The following OGG1 variants were observed in gnomAD, a reference collection of about 807,000 sequenced individuals.
OGG1 encodes 8-oxoguanine DNA glycosylase.
OGG1 carries 35 observed loss-of-function variants against 42.3 expected under a neutral mutation model. The ratio of observed to expected loss-of-function variants is 0.83; its 90% confidence interval spans 0.63 to 1.10. OGG1 has a LOEUF of 1.10. Among genes scored for constraint, OGG1 ranks in the 50% least tolerant of loss-of-function variants. OGG1 has a pLI of 0.00. For missense variants in OGG1, 484 were observed against 446.7 expected, an observed-to-expected ratio of 1.08 and a Z score of -0.75; for synonymous variants, 189 against 179.0, an observed-to-expected ratio of 1.06 and a Z score of -0.44.
At chr3:9,760,417 T>C, downstream of OGG1, 1 of 454,460 alleles carries the variant, frequency 2.2e-6, no homozygotes, top group South Asian at 2.3e-5. Context: ...AGAGGTATTT[T>C]CAAATAGACT....
Position 9,750,156 on chromosome 3 carries a change from A to T in OGG1, c.-131A>T. On this transcript the variant is annotated 5_prime_UTR_variant, in exon 1 of 7. An upstream open reading frame in the 5' UTR gains an earlier in-frame stop. Transcript: ENST00000344629. ...GGTGGAGGAATTAAGTGAAACAGGG[A>T]AGGTTGTTAAACAGCACCGTGTGGG... 1 of 1,161,746 alleles carries T rather than the reference A, an allele frequency of 8.6e-7. No individual in the cohort carries two copies. The allele number at this position is 1,161,746 out of a possible 1,614,324, so 72.0% of individuals were successfully genotyped here.
chr3:9,780,183 G>T (rs2078426345), intron 2 of OGG1: 1 of 604,920 alleles, frequency 1.7e-6, no homozygotes, highest in Non-Finnish European at 2.8e-6. Context: ...GGCTTCCTGT[G>T]TCCTGGTTGT....
At chr3:9,787,554 C>G (rs2078645100) in intron 3 of OGG1, 5 of 975,418 alleles carry the variant, frequency 5.1e-6, no homozygotes, top group Non-Finnish European at 1.5e-6. Flanking sequence ...GACACACACA[C>G]AGAAGCCAAT....
chr3:9,786,635 A>G lies in OGG1; in HGVS notation c.383-1093A>G, dbSNP rs111739690. ...CCTGGCCTCCAGTGGGAGGATGTGTATAAAGCCCCTCCAACAGATGCTTAG... is the reference window on the plus strand; with the variant it reads ...CCTGGCCTCCAGTGGGAGGATGTGTGTAAAGCCCCTCCAACAGATGCTTAG... On this transcript the variant is annotated intron_variant, in intron 3 of 3. Coordinates refer to the OGG1 transcript ENST00000426518. Among the ~76,000 whole-genome samples, 423 of 152,342 alleles carry G rather than the reference A, an allele frequency of 2.8e-3. 1 individual carries two copies. Among genetic ancestry groups the G allele is most frequent in the African/African-American group, 9.7e-3 (403 of 41,586 alleles).
chr3:9,762,539 G>C (rs1176569953), intron 7 of OGG1, among the ~76,000 whole-genome samples: 1 of 152,112 alleles, frequency 6.6e-6, no homozygotes, highest in African/African-American at 2.4e-5. Flanking sequence ...ACCACGCCGG[G>C]CTAATTTTTG....
chr3:9,765,612 G>T, intron 7 of OGG1: 2 of 943,752 alleles, frequency 2.1e-6, no homozygotes, highest in Non-Finnish European at 3.2e-6. Context: ...CCACAACCCT[G>T]CCAAGTGGAA....
chr3:9,751,789 A>G lies in OGG1; in HGVS notation c.405A>G (p.Gln135=). Residue 135 remains glutamine, a synonymous_variant, in exon 3 of 7, where the codon CAA becomes CAG. Coordinates refer to ENST00000344629, the MANE Select transcript of OGG1 (RefSeq NM_002542.6). The part of the protein sequence containing the change: ...QKFQGVRLLR[Q]DPIECLFSFI... The stretch of plus-strand genomic sequence containing the variant: ...CTCCAGGTGTGCGACTGCTGCGACA[A>G]GACCCCATCGAATGCCTTTTCTCTT... The G allele has an allele frequency of 1.2e-6, 2 of 1,614,188 alleles. No homozygotes were observed. Among genetic ancestry groups the G allele is most frequent in the South Asian group, 1.1e-5 (1 of 91,090 alleles).
chr3:9,750,823 C>T, intron 1 of OGG1, 122 bp from the exon 2 acceptor site: 1 of 1,212,044 alleles, frequency 8.3e-7, no homozygotes, highest in Non-Finnish European at 1.2e-6. Flanking sequence ...GTTGCTCAGA[C>T]TGGAAGATAG....
intron 3 of OGG1, among the ~76,000 whole-genome samples, chr3:9,784,553 A>T (rs115077023): frequency 0.017 from 2,515 of 152,032 alleles, 72 homozygotes; most frequent in African/African-American, 0.058. Context: ...TTTTTCCCTT[A>T]TGTGCACATA....
Position 9,786,938 on chromosome 3 carries a change from T to C in OGG1, c.383-790T>C. 2.8e-6 allele frequency: 4 copies of C among 1,417,432 alleles called. No individual in the cohort carries two copies. The African/African-American group carries it at 4.3e-5, about 15-fold the overall frequency. 87.8% of individuals were successfully genotyped at this position (1,417,432 alleles called of 1,614,324 possible). A position where few individuals can be genotyped will look rare whatever the true frequency, so the allele number is the denominator to read the frequency against. On this transcript the variant is annotated intron_variant, in intron 3 of 3. Coordinates refer to the OGG1 transcript ENST00000426518. The stretch of plus-strand genomic sequence containing the variant: ...CTAATAAATGTATGATAAATTCCGA[T>C]AAAAAATAAGCATAACACATTAAAA...
intron 3 of OGG1, chr3:9,785,248 G>C: frequency 7.7e-7 from 1 of 1,299,628 alleles, no homozygotes. Context: ...GACTTCCCCA[G>C]GTTGAGATGG....
chr3:9,774,502 T>G (rs2078341148), intron 2 of OGG1, among the ~76,000 whole-genome samples: 1 of 151,920 alleles, frequency 6.6e-6, no homozygotes, highest in South Asian at 2.1e-4. Context: ...TCCGAAATGG[T>G]AGCCAAAAAT....
At chr3:9,768,846 T>C (rs1486171055), downstream of OGG1, among the ~76,000 whole-genome samples, 1 of 152,070 alleles carries the variant, frequency 6.6e-6, no homozygotes, top group Non-Finnish European at 1.5e-5. Flanking sequence ...AGGACCTTTT[T>C]CCCAGGGGAC....
intron 7 of OGG1, among the ~76,000 whole-genome samples, chr3:9,764,494 TAG>T (rs1354949071): frequency 6.6e-6 from 1 of 152,022 alleles, no homozygotes; most frequent in Non-Finnish European, 1.5e-5. Flanking sequence ...GTATTTTTAG[TAG>T]AGACGGAGTT....
rs1470595388 is a variant in OGG1, at chr3:9,751,262, C to T, written c.385+70C>T. 2.0e-6 allele frequency: 3 copies of T among 1,535,160 alleles called. No individual in the cohort carries two copies. The African/African-American group carries it at 4.1e-5, about 21-fold the overall frequency. ...TCACTTCTCTATGACTCAGTTTTGC[C>T]ACCTGTAAAATGGGGATTATATCTA... On this transcript the variant is annotated intron_variant, in intron 2 of 6. Coordinates refer to ENST00000344629, the MANE Select transcript of OGG1 (RefSeq NM_002542.6).
chr3:9,757,930 T>C, downstream of OGG1: 1 of 1,516,720 alleles, frequency 6.6e-7, no homozygotes, highest in African/African-American at 1.4e-5. The surrounding 1 kb of genome is among the most constrained non-coding windows in gnomAD (Gnocchi z 4.5). Context: ...GTGGGATTCT[T>C]GCAATTGTTC....
downstream of OGG1, chr3:9,761,567 A>G (rs780821445): frequency 1.2e-6 from 2 of 1,613,228 alleles, no homozygotes; most frequent in South Asian, 2.2e-5. Flanking sequence ...GGTGGTGACA[A>G]ATCTCTGCCC....
intron 3 of OGG1, among the ~76,000 whole-genome samples, chr3:9,784,428 A>C (rs2078556243): frequency 6.6e-6 from 1 of 151,804 alleles, no homozygotes; most frequent in African/African-American, 2.4e-5. Context: ...ATATGGAAAA[A>C]CCCATAATGC....
At chr3:9,760,734 C>G (rs1362673400), downstream of OGG1, 1 of 1,614,076 alleles carries the variant, frequency 6.2e-7, no homozygotes, top group South Asian at 1.1e-5. Context: ...AGTTTGGCAT[C>G]ATTCTCGTCA....
Sources: gnomAD v4.1 joint callset for allele counts (sites outside exome capture counted in the v4.1 genomes callset) on GRCh38, gnomAD v4.1.1 for gene constraint, Gnocchi (gnomAD v3.1) non-coding constraint, MANE v1.5 for transcripts, NCBI Gene and HGNC (gene_info 2026-07-23, HGNC 2026-07-21) for gene names.